The following CHD7 variants were observed in gnomAD, a reference collection of about 807,000 sequenced individuals.
CHD7 encodes the protein chromodomain helicase DNA binding protein 7, also known as ATP-dependent chromatin remodeler CHD7.
Under a neutral mutation model 307.3 loss-of-function variants are expected in CHD7, and 24 were observed. The observed-to-expected ratio is 0.08, with a 90% CI of 0.06 to 0.11. The LOEUF is 0.11. Ranked by LOEUF, CHD7 falls within the 10% of genes least tolerant of loss-of-function variation. The pLI, the probability that CHD7 is intolerant of heterozygous loss-of-function variation, is 1.00. For missense variants in CHD7, 3,106 were observed against 3,727.1 expected (o/e 0.83, Z 4.34); for synonymous variants, 1,363 against 1,349.9 (o/e 1.01, Z -0.21).
At chr8:60,850,805 A>G (rs1335978287) in intron 26 of CHD7, 183 bp downstream of exon 26, 1 of 748,132 alleles carries the variant, frequency 1.3e-6, no homozygotes, top group Non-Finnish European at 2.2e-6. Flanking sequence ...TATCTTGATA[A>G]TCTGAAACTT....
chr8:60,741,397 G>C lies in CHD7; in HGVS notation c.-36G>C, dbSNP rs752148683. On this transcript the variant is annotated 5_prime_UTR_variant, in exon 2 of 38. Coordinates refer to ENST00000423902, the MANE Select transcript of CHD7 (RefSeq NM_017780.4). ...TGAAGTGAAGCACAGGCAAGCTCCTGAGCTGTGGTTTGGAGGAGCCGTGTG... is the reference window on the plus strand; with the variant it reads ...TGAAGTGAAGCACAGGCAAGCTCCTCAGCTGTGGTTTGGAGGAGCCGTGTG... 2 of 1,504,318 alleles carry C rather than the reference G, an allele frequency of 1.3e-6. No individual in the cohort carries two copies. Among genetic ancestry groups the C allele is most frequent in the African/African-American group, 2.8e-5 (2 of 72,466 alleles). The allele number at this position is 1,504,318 out of a possible 1,614,324, so 93.2% of individuals were successfully genotyped here.
chr8:60,679,459 A>T (rs1423333667), intron 1 of CHD7: 1 of 106,786 alleles, frequency 9.4e-6, no homozygotes, highest in Non-Finnish European at 2.0e-5. Flanking sequence ...TACGGGGGAC[A>T]GGAGGGAGCG....
Position 60,859,681 on chromosome 8 carries a change from A to G in CHD7, c.7609-1223A>G, listed in dbSNP as rs538200426. ...AGTTGGTCATTTTAAAAGGGTTGGC[A>G]GAGAACATGTGTAAGAGGAGAGAGC... On this transcript the variant is annotated intron_variant, in intron 34 of 37. Transcript: ENST00000423902. Among the ~76,000 whole-genome samples the G allele has an allele frequency of 7.2e-5, 11 of 152,334 alleles. No homozygotes were observed. In the South Asian group the frequency reaches 2.3e-3, roughly 32 times the overall value.
chr8:60,856,357 C>A, intron 33 of CHD7, 88 bp from the exon 34 acceptor site: 1 of 1,346,008 alleles, frequency 7.4e-7, no homozygotes, highest in Non-Finnish European at 1.0e-6. Context: ...ATTCCTTAAG[C>A]TTCTTGTTCC....
intron 35 of CHD7, 122 bp downstream of exon 35, chr8:60,861,247 C>G (rs1236114060): frequency 2.8e-6 from 2 of 715,130 alleles, no homozygotes; most frequent in Non-Finnish European, 4.5e-6. Flanking sequence ...TTCCTGGTCT[C>G]AAACATTTCC....
In CHD7 at chr8:60,866,260, C is replaced by A. The variant is rs1806239707; in HGVS notation, c.*327C>A. The A allele has an allele frequency of 1.1e-5, 2 of 183,098 alleles. No homozygotes were observed. Among genetic ancestry groups the A allele is most frequent in the Non-Finnish European group, 1.1e-5 (1 of 89,042 alleles). The allele number at this position is 183,098 out of a possible 1,614,324, so 11.3% of individuals were successfully genotyped here. On this transcript the variant is annotated 3_prime_UTR_variant, in exon 38 of 38. Coordinates refer to ENST00000423902, the MANE Select transcript of CHD7 (RefSeq NM_017780.4). ...TAAAGAGCAATTTGTAACTGAGTGGCACTAATGGAAGAAAGTGCTGCTCAA... is the reference window on the plus strand; with the variant it reads ...TAAAGAGCAATTTGTAACTGAGTGGAACTAATGGAAGAAAGTGCTGCTCAA...
chr8:60,779,702 C>T (rs1208541348), intron 2 of CHD7, among the ~76,000 whole-genome samples: 3 of 152,172 alleles, frequency 2.0e-5, no homozygotes, highest in Non-Finnish European at 2.9e-5. Context: ...ACAGTAGTCA[C>T]GAGGCTCTGG....
chr8:60,815,056 A>G (rs556199023), intron 7 of CHD7, among the ~76,000 whole-genome samples: 2 of 152,210 alleles, frequency 1.3e-5, no homozygotes, highest in South Asian at 4.1e-4. Context: ...TTTTGATGCA[A>G]TTTCATCTAG....
chr8:60,851,944 A>G, intron 28 of CHD7, 75 bp from the exon 29 acceptor site: 1 of 989,014 alleles, frequency 1.0e-6, no homozygotes, highest in East Asian at 2.7e-5. Flanking sequence ...TTAATGAGTC[A>G]TCCTGTTTTG....
chr8:60,797,680 A>G (rs940888883), intron 4 of CHD7, among the ~76,000 whole-genome samples: 12 of 152,388 alleles, frequency 7.9e-5, no homozygotes, highest in African/African-American at 2.9e-4. Context: ...AAATGAATCC[A>G]TTTAAATTGA....
At chr8:60,783,898 A>G (rs1013737221) in intron 3 of CHD7, among the ~76,000 whole-genome samples, 2 of 152,190 alleles carry the variant, frequency 1.3e-5, no homozygotes, top group Non-Finnish European at 1.5e-5. Context: ...CCTGTTGTTG[A>G]CAGTCAAACA....
intron 1 of CHD7, among the ~76,000 whole-genome samples, chr8:60,739,093 G>A (rs1156388912): frequency 6.6e-6 from 1 of 152,172 alleles, no homozygotes; most frequent in African/African-American, 2.4e-5. Flanking sequence ...GCTTGCAAGA[G>A]AAGGTCACCA....
intron 1 of CHD7, among the ~76,000 whole-genome samples, chr8:60,691,005 C>G (rs1037500866): frequency 2.0e-5 from 3 of 152,046 alleles, no homozygotes; most frequent in African/African-American, 7.2e-5. Flanking sequence ...GCTCACTGCC[C>G]ACCTCCACCT....
rs940237329 is a variant in CHD7 at position 60,851,099 on chromosome 8, A to C, written c.5602A>C (p.Ile1868Leu). Residue 1868 changes from isoleucine to leucine, a missense_variant, in exon 27 of 38, where the codon ATA (isoleucine) becomes CTA (leucine). Ile to Leu is a conservative substitution (Grantham distance 5). This residue lies in a region of CHD7 where 1,030 missense variants were observed against 1,165.4 expected (regional missense o/e 0.88). Coordinates refer to ENST00000423902, the MANE Select transcript of CHD7 (RefSeq NM_017780.4). ...AACCAGAACACCGTTCAAAGATGAA[A>C]TAGATGTATGAACTTGAGTATATTG... ...KPTRTPFKDEIDEFANSPSED... is the reference protein window; with the variant it reads ...KPTRTPFKDELDEFANSPSED... The C allele has an allele frequency of 1.3e-6, 2 of 1,565,362 alleles. No individual in the cohort carries two copies. Among genetic ancestry groups the C allele is most frequent in the African/African-American group, 2.7e-5 (2 of 73,928 alleles).
chr8:60,682,303 A>G (rs1805668727), intron 1 of CHD7, among the ~76,000 whole-genome samples: 1 of 152,228 alleles, frequency 6.6e-6, no homozygotes, highest in African/African-American at 2.4e-5. Flanking sequence ...AATGAATACC[A>G]TGAAGAGTAC....
At chr8:60,807,000 G>T (rs1256055868) in intron 6 of CHD7, among the ~76,000 whole-genome samples, 1 of 152,138 alleles carries the variant, frequency 6.6e-6, no homozygotes, top group East Asian at 1.9e-4. Context: ...ACTCAAGCCT[G>T]GGTGACAAAG....
At chr8:60,793,327 T>C (rs981301517) in intron 3 of CHD7, among the ~76,000 whole-genome samples, 15 of 152,146 alleles carry the variant, frequency 9.9e-5, no homozygotes, top group African/African-American at 3.4e-4. Context: ...TTTTTTCTTT[T>C]CTTTTAAATA....
chr8:60,763,365 A>G (rs1810314261), intron 2 of CHD7, among the ~76,000 whole-genome samples: 1 of 152,178 alleles, frequency 6.6e-6, no homozygotes, highest in Non-Finnish European at 1.5e-5. Context: ...CCAGGTACTC[A>G]GTAGCCACAC....
At chr8:60,681,315 T>C (rs1180934578) in intron 1 of CHD7, among the ~76,000 whole-genome samples, 1 of 152,224 alleles carries the variant, frequency 6.6e-6, no homozygotes, top group African/African-American at 2.4e-5. Flanking sequence ...AGAGTACATC[T>C]GTCGCGCAGT....
Sources: allele counts gnomAD v4.1 joint callset (sites outside exome capture counted in the v4.1 genomes callset), GRCh38; gene constraint gnomAD v4.1.1; regional missense constraint gnomAD v4.1.1; transcripts MANE v1.5; gene names NCBI Gene and HGNC (gene_info 2026-07-23, HGNC 2026-07-21).